ELMO1: variants seen among roughly 807,000 people sequenced by gnomAD.
ELMO1 encodes the protein engulfment and cell motility protein 1.
A neutral mutation model predicts 98.9 loss-of-function variants in ELMO1; 26 were observed. That is an observed-to-expected ratio of 0.26 (90% CI 0.19 to 0.36). ELMO1 has a LOEUF of 0.36. Among genes scored for constraint, ELMO1 ranks in the 10% least tolerant of loss-of-function variants. The probability of loss-of-function intolerance (pLI) is 1.00; values close to 1 mark genes in which losing one functional copy is unlikely to be tolerated. For missense variants in ELMO1, 627 were observed against 935.2 expected (o/e 0.67, Z 4.30); for synonymous variants, 346 against 346.0 (o/e 1.00, Z 0.00).
intron 15 of ELMO1, among the ~76,000 whole-genome samples, chr7:37,086,649 A>T (rs769793445): frequency 1.3e-5 from 2 of 151,270 alleles, no homozygotes; most frequent in Non-Finnish European, 1.5e-5. Context: ...AGGCTGAGGC[A>T]AGAGAATCGC....
rs546791162 is a variant in ELMO1, at chr7:37,293,043, T to TG, written c.193-21162dup. Reference sequence around the variant, plus strand: ...CCAGCCGCCCCGTCCGGGAGGGAGGTGGGGGGGTCAGCCCCCTGCCCGGCC... The same window carrying TG: ...CCAGCCGCCCCGTCCGGGAGGGAGGTGGGGGGGGTCAGCCCCCTGCCCGGCC... On this transcript the variant is annotated intron_variant, in intron 4 of 21. Transcript: ENST00000310758. Among the ~76,000 whole-genome samples, 116 of 28,690 alleles carry TG rather than the reference T, an allele frequency of 4.0e-3. 2 individuals are homozygous for TG. Among genetic ancestry groups the TG allele is most frequent in the Middle Eastern group, 0.034 (2 of 58 alleles). 18.8% of individuals were successfully genotyped at this position (28,690 alleles called of 152,430 possible). A position where few individuals can be genotyped will look rare whatever the true frequency, so the allele number is the denominator to read the frequency against.
At chr7:37,127,885 A>T (rs1252710319) in intron 14 of ELMO1, among the ~76,000 whole-genome samples, 3 of 152,146 alleles carry the variant, frequency 2.0e-5, no homozygotes, top group Non-Finnish European at 4.4e-5. Flanking sequence ...AGTGAATAAA[A>T]TTAAATACAT....
chr7:37,437,687 AGGCCGGGCGCGGTGGCTCACGCC>A (rs1805206492), intron 1 of ELMO1, among the ~76,000 whole-genome samples: 2 of 81,100 alleles, frequency 2.5e-5, no homozygotes, highest in African/African-American at 4.1e-5. Context: ...AATATACAAT[AGGCCGGGCGCGGTGGCTCACGCC>A]TGTAATCCCA....
intron 16 of ELMO1, among the ~76,000 whole-genome samples, chr7:36,977,197 T>A (rs1189539683): frequency 6.6e-6 from 1 of 152,244 alleles, no homozygotes; most frequent in Non-Finnish European, 1.5e-5. Flanking sequence ...TACTCTTCCA[T>A]AAAACTTGTT....
At chr7:37,375,655 G>T in intron 1 of ELMO1, 3 of 1,226,296 alleles carry the variant, frequency 2.4e-6, no homozygotes, top group South Asian at 2.4e-5. Flanking sequence ...CAACCTTCAG[G>T]TCATGAAGGC....
chr7:37,268,547 G>A (rs2723972), intron 5 of ELMO1, among the ~76,000 whole-genome samples: 58,100 of 151,900 alleles, frequency 0.38, 11,730 homozygotes, highest in Middle Eastern at 0.54. Context: ...TGATCTACCC[G>A]CCTTGGCCTC....
chr7:37,219,727 A>G (rs780004040), intron 10 of ELMO1, among the ~76,000 whole-genome samples: 2 of 152,226 alleles, frequency 1.3e-5, no homozygotes, highest in Non-Finnish European at 2.9e-5. Flanking sequence ...TTACCCGCTC[A>G]GTAACCTGGT....
intron 13 of ELMO1, among the ~76,000 whole-genome samples, chr7:37,170,944 T>A (rs1292389477): frequency 6.6e-6 from 1 of 152,172 alleles, no homozygotes; most frequent in Non-Finnish European, 1.5e-5. Context: ...CCAGAAACTT[T>A]GTAGAAGATG....
intron 4 of ELMO1, among the ~76,000 whole-genome samples, chr7:37,310,657 G>C (rs1327832834): frequency 6.6e-6 from 1 of 152,150 alleles, no homozygotes; most frequent in African/African-American, 2.4e-5. Flanking sequence ...TTACCATTAG[G>C]ATCACTGGCT....
At chr7:37,369,305 T>C (rs975820627) in intron 1 of ELMO1, among the ~76,000 whole-genome samples, 1 of 152,174 alleles carries the variant, frequency 6.6e-6, no homozygotes, top group Non-Finnish European at 1.5e-5. Context: ...TTTTGTAGTA[T>C]TTGCATTATA....
At chr7:37,311,580 C>G (rs1188735596) in intron 4 of ELMO1, among the ~76,000 whole-genome samples, 1 of 152,102 alleles carries the variant, frequency 6.6e-6, no homozygotes, top group African/African-American at 2.4e-5. Context: ...TTGCAAGGAA[C>G]TAGATGGACA....
chr7:37,207,882 T>C (rs1792730043), intron 13 of ELMO1, among the ~76,000 whole-genome samples: 1 of 152,172 alleles, frequency 6.6e-6, no homozygotes, highest in Admixed American at 6.5e-5. Flanking sequence ...TCTCAGAAGA[T>C]GAAGCAGCTT....
At chr7:36,976,893 CCAGTGTATTA>C (rs1790599363) in intron 16 of ELMO1, among the ~76,000 whole-genome samples, 1 of 152,190 alleles carries the variant, frequency 6.6e-6, no homozygotes, top group Non-Finnish European at 1.5e-5. Flanking sequence ...GATTACTTTT[CCAGTGTATTA>C]GCTATAGATC....
At chr7:37,163,352 T>TTC (rs1563047201) in intron 13 of ELMO1, among the ~76,000 whole-genome samples, 1 of 152,064 alleles carries the variant, frequency 6.6e-6, no homozygotes, top group African/African-American at 2.4e-5. Context: ...TTTTTTTTTT[T>TTC]ATTATTATAC....
In ELMO1 at chr7:37,423,254, C is replaced by T. The variant is rs1423433445; in HGVS notation, c.-74+25421G>A. Among the ~76,000 whole-genome samples the T allele has an allele frequency of 2.0e-5, 3 of 152,142 alleles. 1 individual carries two copies. The highest frequency in any genetic ancestry group is 1.3e-4 in the Admixed American group (2 of 15,278). On this transcript the variant is annotated intron_variant, in intron 1 of 21. Transcript: ENST00000310758. Reference sequence around the variant, plus strand: ...CATGATTAAGTCTGTGTCTCTTTACCTAATGTCTAAAGATACTTCTGAGGC... The same window carrying T: ...CATGATTAAGTCTGTGTCTCTTTACTTAATGTCTAAAGATACTTCTGAGGC...
At chr7:37,419,438 T>A (rs1583726557) in intron 1 of ELMO1, among the ~76,000 whole-genome samples, 1 of 152,164 alleles carries the variant, frequency 6.6e-6, no homozygotes, top group Non-Finnish European at 1.5e-5. Flanking sequence ...AATGTATGAT[T>A]TTTTTCTTTG....
At chr7:37,426,099 TA>T (rs2131547124) in intron 1 of ELMO1, among the ~76,000 whole-genome samples, 1 of 150,012 alleles carries the variant, frequency 6.7e-6, no homozygotes, top group South Asian at 2.1e-4. Flanking sequence ...CCAGCCTCTC[TA>T]AACTTAGAGT....
chr7:37,142,984 A>G (rs1342221478), intron 13 of ELMO1, among the ~76,000 whole-genome samples: 1 of 152,148 alleles, frequency 6.6e-6, no homozygotes, highest in Non-Finnish European at 1.5e-5. Context: ...ACACCCCTCC[A>G]CAGGCATTCA....
rs775799894 is a variant in ELMO1, at chr7:36,995,221, TCAA to T, written c.1437+18075_1437+18077del. ...TCATAGAAGCCATTGTTAAAATCAT[TCAA>T]CCTGGCTGGGTGCCGTGGCTCACGC... On this transcript the variant is annotated intron_variant, in intron 16 of 21. Coordinates refer to ENST00000310758, the MANE Select transcript of ELMO1 (RefSeq NM_014800.11). Among the ~76,000 whole-genome samples, 47 of 152,184 alleles carry T rather than the reference TCAA, an allele frequency of 3.1e-4. 1 individual carries two copies.
Sources: gnomAD v4.1 joint callset for allele counts (sites outside exome capture counted in the v4.1 genomes callset) on GRCh38, gnomAD v4.1.1 for gene constraint, MANE v1.5 for transcripts, NCBI Gene and HGNC (gene_info 2026-07-23, HGNC 2026-07-21) for gene names.